Variants in SRBD1 observed in about 807,000 individuals in gnomAD.
SRBD1 encodes the protein S1 RNA binding domain 1, also known as S1 RNA-binding domain-containing protein 1.
In SRBD1, 88 loss-of-function variants were observed where a neutral mutation model predicts 115.3. The observed-to-expected ratio is 0.76, with a 90% CI of 0.64 to 0.91. SRBD1 has a LOEUF of 0.91. Among genes scored for constraint, SRBD1 ranks in the 40% least tolerant of loss-of-function variants. The probability of loss-of-function intolerance (pLI) is 0.00; values close to 1 mark genes in which losing one functional copy is unlikely to be tolerated. For missense variants in SRBD1, 1,385 were observed against 1,177.4 expected (o/e 1.18, Z -2.58); for synonymous variants, 509 against 407.7 (o/e 1.25, Z -2.99).
chr2:45,391,823 G>A (rs1479187267), intron 20 of SRBD1, among the ~76,000 whole-genome samples: 14 of 152,160 alleles, frequency 9.2e-5, no homozygotes, highest in Admixed American at 9.2e-4. Context: ...ACAGAAAAAT[G>A]AAGATGGATG....
chr2:45,404,546 G>A (rs1667376041), intron 19 of SRBD1, among the ~76,000 whole-genome samples: 1 of 152,004 alleles, frequency 6.6e-6, no homozygotes, highest in African/African-American at 2.4e-5. Flanking sequence ...CAATCTTTCA[G>A]TAAATCCTAT....
At position 45,573,265 on chromosome 2, in the gene SRBD1, T is replaced by C. The variant is rs747026722; in HGVS notation, c.1247A>G (p.Asp416Gly). 6 of 1,612,470 alleles carry C rather than the reference T, an allele frequency of 3.7e-6. No individual in the cohort carries two copies. The South Asian group carries it at 5.5e-5, about 15-fold the overall frequency. Reference protein sequence around the residue: ...SSKKVNEKDVDKFLLYQHFSC... With the variant: ...SSKKVNEKDVGKFLLYQHFSC... ...AAAATGCTGGTAGAGCAGAAACTTA[T>C]CAACATCTTTCTCATTTACCTTTTT... The change falls in exon 9 of 21, where the codon GAT (aspartate) becomes GGT (glycine). Residue 416 changes from aspartate (D) to glycine (G), a missense_variant. Coordinates refer to ENST00000263736, the MANE Select transcript of SRBD1 (RefSeq NM_018079.5).
chr2:45,602,025 C>T lies in SRBD1; in HGVS notation c.139G>A (p.Val47Ile), dbSNP rs1674109747. 6.2e-7 allele frequency: 1 copy of T among 1,614,034 alleles called. No homozygotes were observed. The highest frequency in any genetic ancestry group is 8.5e-7 in the Non-Finnish European group (1 of 1,180,024). ...EDSAWEPQKK[V>I]PRSRKQPPPK... Reference sequence around the variant, plus strand: ...GGGGGCTGTTTACGGCTTCTGGGAACTTTCTTTTGGGGCTCCCAGGCACTA... The same window carrying T: ...GGGGGCTGTTTACGGCTTCTGGGAATTTTCTTTTGGGGCTCCCAGGCACTA... Residue 47 changes from valine (V) to isoleucine (I), a missense_variant, in exon 3 of 21, where the codon GTT becomes ATT. Transcript: ENST00000263736.
intron 14 of SRBD1, among the ~76,000 whole-genome samples, chr2:45,528,126 T>C (rs1671505886): frequency 6.6e-6 from 1 of 151,916 alleles, no homozygotes; most frequent in Admixed American, 6.6e-5. Flanking sequence ...AACTGTTGAT[T>C]ACATAATTCT....
At chr2:45,525,109 C>T (rs1558454284) in intron 14 of SRBD1, among the ~76,000 whole-genome samples, 2 of 151,994 alleles carry the variant, frequency 1.3e-5, no homozygotes, top group East Asian at 3.9e-4. Context: ...AATTTGAACC[C>T]TTACTTTACA....
chr2:45,506,022 T>C (rs1049138745), intron 14 of SRBD1, among the ~76,000 whole-genome samples: 1 of 152,202 alleles, frequency 6.6e-6, no homozygotes, highest in East Asian at 1.9e-4. Context: ...CATGATAGTA[T>C]ACTTTGTTGC....
At chr2:45,426,508 C>A (rs950213819) in intron 16 of SRBD1, among the ~76,000 whole-genome samples, 3 of 152,220 alleles carry the variant, frequency 2.0e-5, no homozygotes, top group Admixed American at 6.5e-5. Flanking sequence ...TGCTAAGGGA[C>A]AGACTGCCTC....
chr2:45,473,640 T>C (rs1332505006), intron 16 of SRBD1, among the ~76,000 whole-genome samples: 1 of 152,186 alleles, frequency 6.6e-6, no homozygotes, highest in Non-Finnish European at 1.5e-5. Flanking sequence ...GCATTCTATC[T>C]TCTATCATTT....
At chr2:45,496,300 A>C (rs1330000294) in intron 14 of SRBD1, among the ~76,000 whole-genome samples, 1 of 152,076 alleles carries the variant, frequency 6.6e-6, no homozygotes, top group Non-Finnish European at 1.5e-5. Flanking sequence ...ATTCTACTCC[A>C]TCATTATCTA....
At chr2:45,393,685 T>C (rs985428105) in intron 19 of SRBD1, among the ~76,000 whole-genome samples, 1 of 152,194 alleles carries the variant, frequency 6.6e-6, no homozygotes, top group Admixed American at 6.5e-5. Flanking sequence ...CAGCCAAAAA[T>C]ATTTTACACT....
At chr2:45,504,744 G>A (rs575374482) in intron 14 of SRBD1, among the ~76,000 whole-genome samples, 1 of 152,194 alleles carries the variant, frequency 6.6e-6, no homozygotes, top group East Asian at 1.9e-4. Context: ...GATGGCTCGA[G>A]GGGGAAAAGG....
chr2:45,601,421 G>A (rs536378332), intron 3 of SRBD1, among the ~76,000 whole-genome samples: 26 of 152,200 alleles, frequency 1.7e-4, no homozygotes, highest in Non-Finnish European at 3.5e-4. Flanking sequence ...CACAACTGAT[G>A]TAAAAACACC....
rs1482407294 is a variant in SRBD1, at chr2:45,498,638, C to T, written c.1875-10307G>A. Among the ~76,000 whole-genome samples, 3 of 151,930 alleles carry T rather than the reference C, an allele frequency of 2.0e-5. No individual in the cohort carries two copies. In the East Asian group the frequency reaches 5.8e-4, roughly 29 times the overall value. ...GTACTACGGAATACTAGAACTTATT[C>T]CTTCTATATAACTTCTTCATGCCCC... On this transcript the variant is annotated intron_variant, in intron 14 of 20. Transcript: ENST00000263736.
intron 16 of SRBD1, among the ~76,000 whole-genome samples, chr2:45,448,312 T>C (rs957888514): frequency 6.6e-6 from 1 of 152,098 alleles, no homozygotes; most frequent in African/African-American, 2.4e-5. Context: ...TAGAACTAGA[T>C]AGAATAATAT....
intron 14 of SRBD1, among the ~76,000 whole-genome samples, chr2:45,515,760 T>C (rs182963264): frequency 5.3e-4 from 81 of 152,182 alleles, no homozygotes; most frequent in Non-Finnish European, 3.4e-4. Context: ...AGAAAGAAAA[T>C]CAGCAGCCAA....
At chr2:45,432,772 G>A (rs1206953219) in intron 16 of SRBD1, among the ~76,000 whole-genome samples, 4 of 151,864 alleles carry the variant, frequency 2.6e-5, no homozygotes, top group Admixed American at 2.6e-4. Flanking sequence ...GGAAATCCTG[G>A]GACATTATAT....
chr2:45,401,893 TAGTTAGA>T (rs2103832859), intron 19 of SRBD1, among the ~76,000 whole-genome samples: 1 of 152,290 alleles, frequency 6.6e-6, no homozygotes, highest in East Asian at 1.9e-4. Flanking sequence ...AGTCACTTAT[TAGTTAGA>T]AGACTTCTTT....
At chr2:45,415,317 T>C (rs1332471116) in intron 18 of SRBD1, among the ~76,000 whole-genome samples, 1 of 19,434 alleles carries the variant, frequency 5.1e-5, no homozygotes, top group Non-Finnish European at 8.1e-5. Flanking sequence ...TACACACATA[T>C]AGTGTGTATA....
chr2:45,512,071 T>C (rs146784064), intron 14 of SRBD1, among the ~76,000 whole-genome samples: 42 of 152,304 alleles, frequency 2.8e-4, no homozygotes, highest in Admixed American at 4.6e-4. Context: ...CTCTTCTCCA[T>C]AGTTAATGCA....
Sources: allele counts gnomAD v4.1 joint callset (sites outside exome capture counted in the v4.1 genomes callset), GRCh38; gene constraint gnomAD v4.1.1; transcripts MANE v1.5; gene names NCBI Gene and HGNC (gene_info 2026-07-23, HGNC 2026-07-21).